Variants in STARD9 observed in about 807,000 individuals in gnomAD.
The protein encoded by STARD9 is stAR-related lipid transfer protein 9.
Under a neutral mutation model 399.8 loss-of-function variants are expected in STARD9, and 346 were observed. The ratio of observed to expected loss-of-function variants is 0.87; its 90% CI spans 0.79 to 0.95. The LOEUF (loss-of-function observed/expected upper bound fraction) is 0.95. STARD9 is among the 40% of genes least tolerant of loss of function. The probability of loss-of-function intolerance (pLI) is 0.00; values close to 1 mark genes in which losing one functional copy is unlikely to be tolerated. For missense variants in STARD9, 5,832 were observed against 5,667.5 expected (o/e 1.03, Z -0.93); for synonymous variants, 2,203 against 2,143.5 (o/e 1.03, Z -0.77).
chr15:42,663,285 G>A lies in STARD9; in HGVS notation c.873G>A (p.Gln291=). ...TTTCTTTTTTCATCTTTTAAGCCCA[G>A]AACTCCCAAGTTTTCAGCAGCTGCC... The part of the protein sequence containing the change: ...TLGIVISTLA[Q]NSQVFSSCQS... The change falls in exon 12 of 33, where the codon CAG becomes CAA. Residue 291 remains glutamine, a synonymous_variant. Transcript: ENST00000290607. 1.3e-6 allele frequency: 2 copies of A among 1,530,546 alleles called. No homozygotes were observed. The highest frequency in any genetic ancestry group is 1.8e-6 in the Non-Finnish European group (2 of 1,141,736). The allele number at this position is 1,530,546 out of a possible 1,614,324, so 94.8% of individuals were successfully genotyped here. A position where few individuals can be genotyped will look rare whatever the true frequency, so the allele number is the denominator to read the frequency against.
chr15:42,696,381 G>A (rs1205073324), intron 26 of STARD9, among the ~76,000 whole-genome samples: 1 of 152,220 alleles, frequency 6.6e-6, no homozygotes, highest in East Asian at 1.9e-4. Flanking sequence ...AGCAAGTGAG[G>A]CCTTGAGGAA....
chr15:42,642,754 T>C (rs1438891315), intron 7 of STARD9, among the ~76,000 whole-genome samples: 2 of 152,206 alleles, frequency 1.3e-5, no homozygotes, highest in Admixed American at 6.5e-5. Context: ...TTAATAGATA[T>C]TCTATATGCT....
intron 1 of STARD9, chr15:42,581,200 T>C (rs2058161358): frequency 3.9e-6 from 3 of 777,176 alleles, no homozygotes; most frequent in Non-Finnish European, 7.2e-6. Context: ...TTGTTCAAAT[T>C]ATTGACTTCT....
chr15:42,676,832 T>C (rs1020693710), intron 20 of STARD9, among the ~76,000 whole-genome samples: 1 of 152,116 alleles, frequency 6.6e-6, no homozygotes, highest in African/African-American at 2.4e-5. Flanking sequence ...TCAGTAGTTA[T>C]GATGGCCCGT....
At chr15:42,578,028 G>A (rs1415999662) in intron 1 of STARD9, among the ~76,000 whole-genome samples, 1 of 152,078 alleles carries the variant, frequency 6.6e-6, no homozygotes, top group East Asian at 1.9e-4. Flanking sequence ...TAGACCTACT[G>A]CTCTTTCTGA....
At chr15:42,628,261 C>A (rs2059265378) in intron 3 of STARD9, among the ~76,000 whole-genome samples, 2 of 152,094 alleles carry the variant, frequency 1.3e-5, no homozygotes, top group Non-Finnish European at 2.9e-5. Context: ...GATCTTTTGC[C>A]TATTTTAAAA....
chr15:42,708,615 C>T (rs547719653), intron 26 of STARD9, among the ~76,000 whole-genome samples: 1 of 151,826 alleles, frequency 6.6e-6, no homozygotes, highest in Admixed American at 6.6e-5. Flanking sequence ...GTTTCTCAGT[C>T]TTTTCTTGCT....
chr15:42,718,577 A>T (rs985908699), intron 31 of STARD9, 63 bp downstream of exon 31: 1 of 1,489,448 alleles, frequency 6.7e-7, no homozygotes, highest in African/African-American at 1.4e-5. Flanking sequence ...GTGAGAAACA[A>T]TCTATGTGGG....
In STARD9 at chr15:42,694,668, C is replaced by T. The variant is rs764652327; in HGVS notation, c.12905C>T (p.Pro4302Leu). Residue 4302 changes from proline (P) to leucine (L), a missense_variant, in exon 24 of 33, where the codon CCC (proline) becomes CTC (leucine). Coordinates refer to ENST00000290607, the MANE Select transcript of STARD9 (RefSeq NM_020759.3). The stretch of plus-strand genomic sequence containing the variant: ...CTCTTCATCTGGGATCTTGACTTGC[C>T]CAGCAGACGCCGAGAATACCTGCAG... ...KDLFIWDLDL[P>L]SRRREYLQQL... 3.3e-6 allele frequency: 5 copies of T among 1,536,962 alleles called. No homozygotes were observed. The East Asian group carries it at 9.8e-5, about 30-fold the overall frequency.
chr15:42,624,148 C>T (rs987365365), intron 3 of STARD9, among the ~76,000 whole-genome samples: 1 of 152,172 alleles, frequency 6.6e-6, no homozygotes, highest in African/African-American at 2.4e-5. Context: ...TTAGACTGTT[C>T]ACACTTTGGG....
chr15:42,652,701 G>T (rs2059787845), intron 9 of STARD9, 109 bp downstream of exon 9: 7 of 1,020,020 alleles, frequency 6.9e-6, no homozygotes, highest in Non-Finnish European at 1.0e-5. Context: ...TTTGAGACAG[G>T]GTCTCAGTCT....
intron 4 of STARD9, among the ~76,000 whole-genome samples, chr15:42,635,873 C>T (rs940155036): frequency 2.0e-5 from 3 of 152,164 alleles, no homozygotes; most frequent in African/African-American, 7.2e-5. Flanking sequence ...TGGAAGAAAG[C>T]AGGAGAACTA....
At chr15:42,713,666 T>G (rs2061293974) in intron 26 of STARD9, among the ~76,000 whole-genome samples, 1 of 151,842 alleles carries the variant, frequency 6.6e-6, no homozygotes, top group South Asian at 2.1e-4. Flanking sequence ...ACTGGGTCTT[T>G]TCTTTTATTA....
chr15:42,683,790 A>G (rs2060485437), intron 22 of STARD9, among the ~76,000 whole-genome samples: 2 of 152,146 alleles, frequency 1.3e-5, no homozygotes, highest in South Asian at 2.1e-4. Context: ...GTATCACTCT[A>G]TAGATTTATC....
At chr15:42,632,747 C>T (rs1490081239) in intron 3 of STARD9, among the ~76,000 whole-genome samples, 11 of 152,076 alleles carry the variant, frequency 7.2e-5, no homozygotes, top group South Asian at 2.1e-4. Context: ...GAGGCCGAGG[C>T]GAGATGATCC....
At chr15:42,638,189 A>G in intron 6 of STARD9, 102 bp downstream of exon 6, 2 of 1,038,606 alleles carry the variant, frequency 1.9e-6, no homozygotes, top group South Asian at 1.4e-5. Context: ...CACCACAGGG[A>G]TGGAGAAAAG....
At chr15:42,635,533 G>T (rs528676819) in intron 4 of STARD9, among the ~76,000 whole-genome samples, 327 of 152,080 alleles carry the variant, frequency 2.2e-3, no homozygotes, top group African/African-American at 7.5e-3. Flanking sequence ...GTTTCACCGT[G>T]TTAGCCAGGA....
At chr15:42,610,511 G>C (rs1054238995) in intron 3 of STARD9, among the ~76,000 whole-genome samples, 6 of 151,868 alleles carry the variant, frequency 4.0e-5, no homozygotes, top group African/African-American at 1.5e-4. Flanking sequence ...ATTCTTTTGG[G>C]GTTTGCTGCA....
At position 42,685,794 on chromosome 15, in the gene STARD9, C is replaced by T; in HGVS notation, c.4216C>T (p.Leu1406Phe). Residue 1406 changes from leucine (L) to phenylalanine (F), a missense_variant, in exon 23 of 33, where the codon CTC becomes TTC. Around this residue, in one of 2 missense-constraint regions of STARD9, gnomAD observed 5,828 missense variants for 5,651.1 expected, o/e 1.03. Transcript: ENST00000290607. ...ACTGCACCAAGGCAGTACTGAGCTC[C>T]TCTGCAGTGCAAGAGATGAGCACAC... ...SKLHQGSTEL[L>F]CSARDEHTAS... 1 of 1,537,316 alleles carries T rather than the reference C, an allele frequency of 6.5e-7. No individual in the cohort carries two copies. Among genetic ancestry groups the T allele is most frequent in the Non-Finnish European group, 8.7e-7 (1 of 1,146,956 alleles).
Sources: gnomAD v4.1 joint callset for allele counts (sites outside exome capture counted in the v4.1 genomes callset) on GRCh38, gnomAD v4.1.1 for gene constraint, gnomAD v4.1.1 regional missense constraint, MANE v1.5 for transcripts, NCBI Gene and HGNC (gene_info 2026-07-23, HGNC 2026-07-21) for gene names.